SYNE2: variants seen among roughly 807,000 people sequenced by gnomAD.
The protein encoded by SYNE2 is nesprin-2.
Under a neutral mutation model 856.3 loss-of-function variants are expected in SYNE2, and 431 were observed. That is an observed-to-expected ratio of 0.50 (90% CI 0.47 to 0.55). The LOEUF (loss-of-function observed/expected upper bound fraction) is 0.55. Among genes scored for constraint, SYNE2 ranks in the 20% least tolerant of loss-of-function variants. The pLI is 0.00. For synonymous variants in SYNE2, 2,923 were observed against 2,872.3 expected, an observed-to-expected ratio of 1.02 and a Z score of -0.56; for missense variants, 8,129 against 8,023.2, an observed-to-expected ratio of 1.01 and a Z score of -0.50.
rs557512893 is a variant in SYNE2 at position 63,998,343 on chromosome 14, A to G, written c.3353+15A>G. 1 of 1,535,018 alleles carries G rather than the reference A, an allele frequency of 6.5e-7. No homozygotes were observed. Among genetic ancestry groups the G allele is most frequent in the East Asian group, 2.2e-5 (1 of 44,450 alleles). On this transcript the variant is annotated intron_variant, in intron 26 of 115. Coordinates refer to ENST00000555002, the MANE Select transcript of SYNE2 (RefSeq NM_182914.3). ...TTACTAGAGAGGTAAACTCTTTTTA[A>G]AAACAACTGGAAAATCCACCAGAAG...
intron 6 of SYNE2, among the ~76,000 whole-genome samples, chr14:63,943,003 C>G (rs1199298868): frequency 6.6e-6 from 1 of 152,190 alleles, no homozygotes; most frequent in Non-Finnish European, 1.5e-5. Context: ...ATATCAGCAC[C>G]AGTCTGAACA....
intron 2 of SYNE2, among the ~76,000 whole-genome samples, chr14:63,914,793 T>TTGTTC (rs2095515273): frequency 6.6e-6 from 1 of 151,972 alleles, no homozygotes. Flanking sequence ...TTGTTTTGTT[T>TTGTTC]TGAAACAGAA....
intron 30 of SYNE2, among the ~76,000 whole-genome samples, chr14:64,004,584 C>G (rs1420076244): frequency 7.9e-5 from 12 of 152,164 alleles, no homozygotes; most frequent in Admixed American, 7.2e-4. Context: ...CCCGCTTTAA[C>G]CTCCCAAAGT....
intron 1 of SYNE2, among the ~76,000 whole-genome samples, chr14:63,861,910 AT>A (rs1426306580): frequency 6.6e-6 from 1 of 152,170 alleles, no homozygotes; most frequent in Non-Finnish European, 1.5e-5. Context: ...ATTATGAAAA[AT>A]TTCAAATATA....
intron 57 of SYNE2, among the ~76,000 whole-genome samples, chr14:64,086,242 T>C (rs982367299): frequency 1.3e-5 from 2 of 152,240 alleles, no homozygotes; most frequent in Non-Finnish European, 2.9e-5. Flanking sequence ...TCCAATTGTT[T>C]CTGCATCATT....
intron 2 of SYNE2, among the ~76,000 whole-genome samples, chr14:63,920,024 G>T (rs543948737): frequency 8.5e-6 from 1 of 118,316 alleles, no homozygotes; most frequent in African/African-American, 4.0e-5. Context: ...TTCTTGTTAC[G>T]CTTTTCTTAG....
chr14:64,087,618 T>C, intron 57 of SYNE2, 53 bp from the exon 58 acceptor site: 1 of 1,559,218 alleles, frequency 6.4e-7, no homozygotes, highest in Non-Finnish European at 8.8e-7. Flanking sequence ...TTAATCAGCT[T>C]ATATCAGGAT....
chr14:64,161,032 G>A (rs2098325379), intron 87 of SYNE2, among the ~76,000 whole-genome samples: 2 of 152,024 alleles, frequency 1.3e-5, no homozygotes, highest in Admixed American at 6.6e-5. Flanking sequence ...TATTACTAAC[G>A]TGGGGAAAAT....
chr14:63,842,113 C>T (rs1044569619), intron 1 of SYNE2, among the ~76,000 whole-genome samples: 11 of 148,794 alleles, frequency 7.4e-5, no homozygotes, highest in Non-Finnish European at 7.4e-5. Flanking sequence ...GGATTACAGG[C>T]GTAAGCACCG....
intron 45 of SYNE2, among the ~76,000 whole-genome samples, chr14:64,045,637 G>A (rs140796613): frequency 3.5e-4 from 54 of 152,152 alleles, no homozygotes; most frequent in Non-Finnish European, 6.2e-4. Flanking sequence ...GTAGATTTTC[G>A]CCACAGTGTG....
rs769710656 is a variant in SYNE2, at chr14:63,998,934, T to C, written c.3374T>C (p.Ile1125Thr). ...CCCAGGTATGATACATACAGAGATATTCTTGAACACCACCTGCAAAACAAC... is the reference window on the plus strand; with the variant it reads ...CCCAGGTATGATACATACAGAGATACTCTTGAACACCACCTGCAAAACAAC... The part of the protein sequence containing the change: ...LLERYDTYRD[I>T]LEHHLQNNKF... Residue 1125 changes from isoleucine (I) to threonine (T), a missense_variant, in exon 27 of 116, where the codon ATT becomes ACT. Ile to Thr is a moderately conservative substitution (Grantham distance 89). Transcript: ENST00000555002. The C allele has an allele frequency of 6.2e-7, 1 of 1,614,114 alleles. No homozygotes were observed. Among genetic ancestry groups the C allele is most frequent in the Non-Finnish European group, 8.5e-7 (1 of 1,179,976 alleles).
intron 1 of SYNE2, among the ~76,000 whole-genome samples, chr14:63,812,896 A>G (rs1488247319): frequency 3.3e-5 from 5 of 152,176 alleles, no homozygotes; most frequent in African/African-American, 1.2e-4. Context: ...CTTAATGTAA[A>G]TTTTAAAAAA....
chr14:63,963,513 G>A (rs745567401), intron 9 of SYNE2, among the ~76,000 whole-genome samples: 1 of 152,108 alleles, frequency 6.6e-6, no homozygotes, highest in Non-Finnish European at 1.5e-5. Context: ...TTAGGCTCTC[G>A]AAAGTGTTTG....
At chr14:63,929,161 G>T (rs895590977) in intron 2 of SYNE2, among the ~76,000 whole-genome samples, 1 of 152,020 alleles carries the variant, frequency 6.6e-6, no homozygotes, top group African/African-American at 2.4e-5. Flanking sequence ...ATGGAGTCTG[G>T]TTACCAGAAA....
At chr14:64,112,958 A>G in intron 65 of SYNE2, 3 of 968,352 alleles carry the variant, frequency 3.1e-6, no homozygotes, top group Non-Finnish European at 3.7e-6. Context: ...AGTGTGCAGC[A>G]ATGTAAGCAT....
chr14:63,770,556 T>A (rs551545074), intron 1 of SYNE2, among the ~76,000 whole-genome samples: 43 of 152,232 alleles, frequency 2.8e-4, no homozygotes, highest in African/African-American at 9.6e-4. Context: ...TCCCAGCACT[T>A]TGGGAGGCTA....
intron 9 of SYNE2, among the ~76,000 whole-genome samples, chr14:63,961,999 A>G (rs2096322520): frequency 6.6e-6 from 1 of 151,774 alleles, no homozygotes; most frequent in African/African-American, 2.4e-5. Flanking sequence ...TAAAAATCTA[A>G]AGATATCAAA....
chr14:63,962,013 T>G (rs2096322890), intron 9 of SYNE2, among the ~76,000 whole-genome samples: 1 of 151,690 alleles, frequency 6.6e-6, no homozygotes, highest in Admixed American at 6.5e-5. Flanking sequence ...TATCAAATTT[T>G]TATTATAATA....
In SYNE2 at chr14:63,998,958, A is replaced by C; in HGVS notation, c.3398A>C (p.Asn1133Thr). Residue 1133 changes from asparagine to threonine, a missense_variant, in exon 27 of 116, where the codon AAC (asparagine) becomes ACC (threonine). Physicochemically the swap from Asn to Thr is moderately conservative, Grantham distance 65 (BLOSUM62 0). Around this residue, in one of 3 missense-constraint regions of SYNE2, gnomAD observed 2,422 missense variants for 2,357.4 expected, o/e 1.03. Transcript: ENST00000555002. ...RDILEHHLQN[N>T]KFRITSDFSS... Reference sequence around the variant, plus strand: ...ATTCTTGAACACCACCTGCAAAACAACAAATTCAGGATTACTTCTGATTTC... The same window carrying C: ...ATTCTTGAACACCACCTGCAAAACACCAAATTCAGGATTACTTCTGATTTC... The C allele has an allele frequency of 2.5e-6, 4 of 1,614,170 alleles. No individual in the cohort carries two copies. The highest frequency in any genetic ancestry group is 3.4e-6 in the Non-Finnish European group (4 of 1,179,996).
Sources: gnomAD v4.1 joint callset for allele counts (sites outside exome capture counted in the v4.1 genomes callset) on GRCh38, gnomAD v4.1.1 for gene constraint, gnomAD v4.1.1 regional missense constraint, MANE v1.5 for transcripts, NCBI Gene and HGNC (gene_info 2026-07-23, HGNC 2026-07-21) for gene names.